Variants in EPM2A observed in about 807,000 individuals in gnomAD.
EPM2A encodes EPM2A glucan phosphatase, laforin.
In EPM2A, 21 loss-of-function variants were observed where a neutral mutation model predicts 26.5. That is an observed-to-expected ratio of 0.79 (90% CI 0.56 to 1.14). The LOEUF is 1.14. Ranked by LOEUF, EPM2A falls within the 50% of genes most tolerant of loss-of-function variation. EPM2A has a pLI of 0.00. For synonymous variants in EPM2A, 217 were observed against 177.6 expected, an observed-to-expected ratio of 1.22 and a Z score of -1.76; for missense variants, 458 against 440.8, an observed-to-expected ratio of 1.04 and a Z score of -0.35.
chr6:145,556,121 A>T (rs1388653357), intron 2 of EPM2A, among the ~76,000 whole-genome samples: 1 of 152,200 alleles, frequency 6.6e-6, no homozygotes, highest in Non-Finnish European at 1.5e-5. Flanking sequence ...ACATTTTTAC[A>T]CATTAGGTTT....
chr6:145,498,120 A>C (rs1207531947), downstream of EPM2A, among the ~76,000 whole-genome samples: 1 of 152,206 alleles, frequency 6.6e-6, no homozygotes, highest in African/African-American at 2.4e-5. Context: ...TTCTCTCCCC[A>C]GTCAGTCTGG....
chr6:145,679,431 G>T (rs1780331984), intron 2 of EPM2A, among the ~76,000 whole-genome samples: 1 of 147,954 alleles, frequency 6.8e-6, no homozygotes, highest in African/African-American at 2.5e-5. Context: ...AAAAGGAGAA[G>T]AAAAATATAT....
intron 4 of EPM2A, among the ~76,000 whole-genome samples, chr6:145,442,288 C>G (rs1307750885): frequency 6.6e-6 from 1 of 152,160 alleles, no homozygotes; most frequent in Non-Finnish European, 1.5e-5. Context: ...ATCTTTTCAG[C>G]AGAACCCCAC....
intron 4 of EPM2A, among the ~76,000 whole-genome samples, chr6:145,393,317 C>T (rs1029473966): frequency 1.3e-5 from 2 of 151,820 alleles, no homozygotes; most frequent in Non-Finnish European, 2.9e-5. Flanking sequence ...AACAACAAGC[C>T]CCATCTAAGG....
chr6:145,545,608 CT>C (rs1464334101), intron 2 of EPM2A, among the ~76,000 whole-genome samples: 1 of 152,162 alleles, frequency 6.6e-6, no homozygotes, highest in African/African-American at 2.4e-5. Flanking sequence ...CCAGAGAGTT[CT>C]TTTAAGTAAA....
chr6:145,444,510 AG>A (rs1310843465), intron 4 of EPM2A, among the ~76,000 whole-genome samples: 5 of 152,284 alleles, frequency 3.3e-5, no homozygotes, highest in Admixed American at 6.5e-5. Context: ...TGTTTGCATC[AG>A]TGTTCATCAA....
downstream of EPM2A, among the ~76,000 whole-genome samples, chr6:145,501,429 T>C (rs387376): frequency 0.36 from 54,378 of 151,978 alleles, 10,299 homozygotes; most frequent in South Asian, 0.51. Context: ...GTTGTCCCAA[T>C]TAATTATTCT....
intron 1 of EPM2A, among the ~76,000 whole-genome samples, chr6:145,729,980 T>C (rs1212621108): frequency 5.3e-5 from 8 of 152,154 alleles, no homozygotes; most frequent in Admixed American, 5.2e-4. Context: ...GAGTAGGTTC[T>C]CATGGGATCT....
intron 2 of EPM2A, among the ~76,000 whole-genome samples, chr6:145,516,824 A>G (rs1242348225): frequency 6.6e-6 from 1 of 152,200 alleles, no homozygotes; most frequent in Non-Finnish European, 1.5e-5. Context: ...CTACCATATA[A>G]TCCAGCAATC....
chr6:145,636,116 T>C (rs1005427706), intron 2 of EPM2A: 1 of 152,218 alleles, frequency 6.6e-6, no homozygotes, highest in East Asian at 1.9e-4. Context: ...TTGAGGTTTA[T>C]TATAGAAAAA....
intron 2 of EPM2A, among the ~76,000 whole-genome samples, chr6:145,504,393 T>G (rs930486961): frequency 0.01 from 1,378 of 132,226 alleles, 22 homozygotes; most frequent in Non-Finnish European, 0.016. Flanking sequence ...CAAACAAATT[T>G]ACAAGAAAAA....
chr6:145,445,788 T>C (rs1779121181), intron 4 of EPM2A, among the ~76,000 whole-genome samples: 2 of 152,220 alleles, frequency 1.3e-5, no homozygotes, highest in South Asian at 2.1e-4. Context: ...CATGTAGCAG[T>C]TAAAAATGGC....
At chr6:145,609,473 G>C (rs1031603304) in intron 2 of EPM2A, among the ~76,000 whole-genome samples, 1 of 152,196 alleles carries the variant, frequency 6.6e-6, no homozygotes, top group Non-Finnish European at 1.5e-5. Flanking sequence ...AATCAAGACA[G>C]TTACATAAAC....
intron 4 of EPM2A, among the ~76,000 whole-genome samples, chr6:145,482,122 C>T (rs1014070271): frequency 3.3e-5 from 5 of 152,140 alleles, no homozygotes; most frequent in Non-Finnish European, 7.4e-5. Flanking sequence ...TTTGTGTGCA[C>T]ATTTACATTT....
intron 2 of EPM2A, among the ~76,000 whole-genome samples, chr6:145,571,246 A>G (rs1447363301): frequency 6.6e-6 from 1 of 152,164 alleles, no homozygotes; most frequent in East Asian, 1.9e-4. Flanking sequence ...ACTTAGCCCC[A>G]GTCCTGCAAA....
chr6:145,434,266 CTT>C (rs1202125248), intron 4 of EPM2A, among the ~76,000 whole-genome samples: 9 of 141,216 alleles, frequency 6.4e-5, no homozygotes, highest in Admixed American at 1.4e-4. Context: ...CTCTCTCTCT[CTT>C]TTTTTTTTTT....
chr6:145,565,642 A>C (rs1780875142), intron 2 of EPM2A, among the ~76,000 whole-genome samples: 1 of 152,186 alleles, frequency 6.6e-6, no homozygotes, highest in African/African-American at 2.4e-5. Flanking sequence ...GGGACCCAGA[A>C]AGGAAAGTCC....
intron 1 of EPM2A, among the ~76,000 whole-genome samples, chr6:145,725,927 T>C (rs1240627999): frequency 6.6e-6 from 1 of 152,074 alleles, no homozygotes; most frequent in East Asian, 1.9e-4. Context: ...TTAATATAAA[T>C]GTATATTTCT....
chr6:145,522,497 A>G (rs563729025), intron 2 of EPM2A, among the ~76,000 whole-genome samples: 2 of 152,212 alleles, frequency 1.3e-5, no homozygotes, highest in Admixed American at 6.5e-5. Context: ...TACCAACAAC[A>G]TTAAAACAAT....
Sources: allele counts gnomAD v4.1 joint callset (sites outside exome capture counted in the v4.1 genomes callset), GRCh38; gene constraint gnomAD v4.1.1; transcripts MANE v1.5; gene names NCBI Gene and HGNC (gene_info 2026-07-23, HGNC 2026-07-21).